DAB1: variants seen among roughly 807,000 people sequenced by gnomAD.
DAB1 encodes the protein DAB adaptor protein 1.
Under a neutral mutation model 64.6 loss-of-function variants are expected in DAB1, and 15 were observed. The observed-to-expected ratio is 0.23, with a 90% CI of 0.16 to 0.36. The LOEUF (loss-of-function observed/expected upper bound fraction) is 0.36, where lower values mean the gene tolerates loss of function less well. DAB1 is among the 10% of genes least tolerant of loss of function. The probability of loss-of-function intolerance (pLI) is 1.00; values close to 1 mark genes in which losing one functional copy is unlikely to be tolerated. For synonymous variants in DAB1, 235 were observed against 251.9 expected, an observed-to-expected ratio of 0.93 and a Z score of 0.64; for missense variants, 596 against 706.7, an observed-to-expected ratio of 0.84 and a Z score of 1.78.
At chr1:57,302,329 C>A (rs866721013) in intron 1 of DAB1, among the ~76,000 whole-genome samples, 1 of 152,114 alleles carries the variant, frequency 6.6e-6, no homozygotes, top group Non-Finnish European at 1.5e-5. Context: ...AATTCAATCA[C>A]ACTTGGAAAG....
intron 7 of DAB1, among the ~76,000 whole-genome samples, chr1:57,526,079 A>T (rs575524170): frequency 6.6e-6 from 1 of 151,932 alleles, no homozygotes; most frequent in African/African-American, 2.4e-5. Context: ...CTGGGACTAT[A>T]GGCACCCGCC....
chr1:58,199,286 A>T (rs886200797), intron 4 of DAB1, among the ~76,000 whole-genome samples: 1 of 152,182 alleles, frequency 6.6e-6, no homozygotes, highest in African/African-American at 2.4e-5. Flanking sequence ...CTCCATTACC[A>T]TTTTGGCTTA....
chr1:57,163,983 C>A (rs979069314), intron 2 of DAB1, among the ~76,000 whole-genome samples: 2 of 152,118 alleles, frequency 1.3e-5, no homozygotes, highest in Non-Finnish European at 2.9e-5. Flanking sequence ...CCTGCTCTGC[C>A]AGTTTGGGTC....
intron 6 of DAB1, among the ~76,000 whole-genome samples, chr1:57,780,356 G>A (rs2101842053): frequency 6.6e-6 from 1 of 152,210 alleles, no homozygotes; most frequent in African/African-American, 2.4e-5. Flanking sequence ...GATTAGGAGA[G>A]AATTTGATAA....
At chr1:57,208,777 G>A (rs1665786801) in intron 2 of DAB1, among the ~76,000 whole-genome samples, 1 of 152,122 alleles carries the variant, frequency 6.6e-6, no homozygotes, top group African/African-American at 2.4e-5. Flanking sequence ...TTGTAGATGA[G>A]GAAACTGAGG....
At chr1:57,161,021 T>A (rs918820898) in intron 2 of DAB1, among the ~76,000 whole-genome samples, 1 of 152,124 alleles carries the variant, frequency 6.6e-6, no homozygotes, top group African/African-American at 2.4e-5. Flanking sequence ...GCCTACCACC[T>A]TCACTCCTCC....
At chr1:58,534,389 C>A (rs757320793) in intron 1 of DAB1, 2 of 730,742 alleles carry the variant, frequency 2.7e-6, no homozygotes, top group Non-Finnish European at 4.6e-6. Context: ...GCTTACTCTG[C>A]TTCATGGAAA....
At chr1:57,760,733 A>T (rs1649048664) in intron 6 of DAB1, among the ~76,000 whole-genome samples, 2 of 152,034 alleles carry the variant, frequency 1.3e-5, no homozygotes, top group Non-Finnish European at 2.9e-5. Flanking sequence ...TGCAGATTGG[A>T]TCCAGGTCTG....
In DAB1 at chr1:57,070,968, T is replaced by C. The variant is rs919688312; in HGVS notation, c.597+55A>G. The C allele has an allele frequency of 5.4e-6, 8 of 1,473,218 alleles. No homozygotes were observed. In the African/African-American group the frequency reaches 8.3e-5, roughly 15 times the overall value. The allele number at this position is 1,473,218 out of a possible 1,614,324, so 91.3% of individuals were successfully genotyped here. A position where few individuals can be genotyped will look rare whatever the true frequency, so the allele number is the denominator to read the frequency against. ...CTTCAGGTTTCTGACAAAATGGCTC[T>C]GGCACAGGTCTAGTCACTCTTGAAT... On this transcript the variant is annotated intron_variant, in intron 7 of 14. Transcript: ENST00000371236.
chr1:58,332,881 G>T (rs754117480), intron 4 of DAB1, among the ~76,000 whole-genome samples: 1 of 151,738 alleles, frequency 6.6e-6, no homozygotes, highest in Non-Finnish European at 1.5e-5. Context: ...AATCTGTTTA[G>T]CTTATGTCAC....
chr1:58,543,875 A>G (rs1646660620), intron 1 of DAB1, among the ~76,000 whole-genome samples: 1 of 152,236 alleles, frequency 6.6e-6, no homozygotes. Flanking sequence ...TGCACTGTCC[A>G]ATAAGGTAGC....
At chr1:58,397,735 C>T (rs1010229858) in intron 3 of DAB1, among the ~76,000 whole-genome samples, 25 of 152,174 alleles carry the variant, frequency 1.6e-4, no homozygotes, top group African/African-American at 5.6e-4. Flanking sequence ...GGTCACCTAC[C>T]CCTTTATTGC....
At chr1:58,527,266 C>T in exon 2 of DAB1, 1 of 872,272 alleles carries the variant, frequency 1.1e-6, no homozygotes, top group Non-Finnish European at 2.0e-6. Flanking sequence ...TTTACCTTTG[C>T]AGCAAGCAGT....
At chr1:58,313,995 A>G (rs1179243410) in intron 4 of DAB1, among the ~76,000 whole-genome samples, 3 of 152,096 alleles carry the variant, frequency 2.0e-5, no homozygotes, top group Non-Finnish European at 4.4e-5. Context: ...CATTCAGTCC[A>G]CAGCACATAG....
At chr1:58,194,565 A>G (rs1447168624) in intron 4 of DAB1, among the ~76,000 whole-genome samples, 1 of 152,218 alleles carries the variant, frequency 6.6e-6, no homozygotes, top group East Asian at 1.9e-4. Context: ...ACATGGTAAA[A>G]TATTTCTCAA....
chr1:57,713,572 C>A (rs149386237), intron 6 of DAB1, among the ~76,000 whole-genome samples: 58 of 152,224 alleles, frequency 3.8e-4, no homozygotes, highest in African/African-American at 1.4e-3. Flanking sequence ...GAAGCAAAAT[C>A]CAAATGCAAA....
intron 7 of DAB1, among the ~76,000 whole-genome samples, chr1:57,473,317 T>C (rs1040176173): frequency 2.6e-5 from 4 of 152,188 alleles, no homozygotes; most frequent in African/African-American, 9.6e-5. Context: ...CCAGTTGCCC[T>C]GGGTATTGAT....
intron 4 of DAB1, among the ~76,000 whole-genome samples, chr1:58,176,316 C>A (rs1006483096): frequency 2.0e-5 from 3 of 152,182 alleles, no homozygotes; most frequent in Admixed American, 6.5e-5. Flanking sequence ...ATAGATAAAG[C>A]TTCCCTGGGA....
chr1:57,388,779 C>T (rs3844040), intron 1 of DAB1, among the ~76,000 whole-genome samples: 8,704 of 152,202 alleles, frequency 0.057, 785 homozygotes, highest in African/African-American at 0.19. Flanking sequence ...CTCTTGTTTA[C>T]CCCACATTAC....
Sources: gnomAD v4.1 joint callset for allele counts (sites outside exome capture counted in the v4.1 genomes callset) on GRCh38, gnomAD v4.1.1 for gene constraint, MANE v1.5 for transcripts, NCBI Gene and HGNC (gene_info 2026-07-23, HGNC 2026-07-21) for gene names.